The following NRG3 variants were observed in gnomAD, a reference collection of about 807,000 sequenced individuals.
NRG3 encodes the protein pro-neuregulin-3, membrane-bound isoform.
NRG3 carries 31 observed loss-of-function variants against 66.9 expected under a neutral mutation model. The observed-to-expected ratio is 0.46, with a 90% CI of 0.35 to 0.63. NRG3 has a LOEUF of 0.63. Among genes scored for constraint, NRG3 ranks in the 20% least tolerant of loss-of-function variants. The probability of loss-of-function intolerance (pLI) is 0.00; values close to 1 mark genes in which losing one functional copy is unlikely to be tolerated. For missense variants in NRG3, 910 were observed against 878.9 expected (o/e 1.04, Z -0.45); for synonymous variants, 393 against 359.4 (o/e 1.09, Z -1.06).
intron 1 of NRG3, among the ~76,000 whole-genome samples, chr10:82,007,909 T>G (rs1259109656): frequency 6.6e-6 from 1 of 152,026 alleles, no homozygotes; most frequent in Non-Finnish European, 1.5e-5. Flanking sequence ...ATTAAAAAAA[T>G]TAAATTGACT....
intron 2 of NRG3, among the ~76,000 whole-genome samples, chr10:82,376,185 A>C (rs1296418775): frequency 6.6e-6 from 1 of 152,118 alleles, no homozygotes; most frequent in African/African-American, 2.4e-5. Context: ...CTTATCTAGC[A>C]AGGCTTTACA....
intron 1 of NRG3, among the ~76,000 whole-genome samples, chr10:82,319,163 G>T (rs1283305907): frequency 6.6e-6 from 1 of 152,246 alleles, no homozygotes; most frequent in African/African-American, 2.4e-5. Flanking sequence ...GCATCTGAAA[G>T]AGAAGTACAG....
intron 2 of NRG3, among the ~76,000 whole-genome samples, chr10:82,367,860 T>C (rs1420972830): frequency 6.6e-6 from 1 of 151,988 alleles, no homozygotes; most frequent in Non-Finnish European, 1.5e-5. Flanking sequence ...CCAGGTGTGG[T>C]GATGCATGCC....
intron 1 of NRG3, among the ~76,000 whole-genome samples, chr10:82,034,642 C>CA (rs1247497537): frequency 1.3e-5 from 2 of 152,066 alleles, no homozygotes; most frequent in African/African-American, 4.8e-5. Flanking sequence ...ATTCATTCCC[C>CA]AGCCATTCCC....
intron 2 of NRG3, among the ~76,000 whole-genome samples, chr10:82,548,600 C>T (rs1590622464): frequency 6.6e-6 from 1 of 151,332 alleles, no homozygotes; most frequent in Non-Finnish European, 1.5e-5. Context: ...AAGAACTTGT[C>T]CAGTCGGGCA....
chr10:81,941,110 T>A (rs1226068846), intron 1 of NRG3, among the ~76,000 whole-genome samples: 1 of 152,166 alleles, frequency 6.6e-6, no homozygotes, highest in East Asian at 1.9e-4. Context: ...GCCAAATTAC[T>A]TCCACCCATG....
intron 3 of NRG3, among the ~76,000 whole-genome samples, chr10:82,783,454 A>C (rs1004491063): frequency 6.6e-6 from 1 of 151,638 alleles, no homozygotes; most frequent in Admixed American, 6.6e-5. Flanking sequence ...ATATCTAGAA[A>C]ACCCCATTGT....
chr10:82,597,262 G>A (rs1460281907), intron 2 of NRG3, among the ~76,000 whole-genome samples: 6 of 152,168 alleles, frequency 3.9e-5, no homozygotes, highest in Admixed American at 3.9e-4. Flanking sequence ...CAATATACAT[G>A]AGGTTAGCGT....
intron 1 of NRG3, among the ~76,000 whole-genome samples, chr10:82,106,825 C>T (rs538028818): frequency 6.6e-6 from 1 of 152,086 alleles, no homozygotes; most frequent in Non-Finnish European, 1.5e-5. Flanking sequence ...CATTTTTTAT[C>T]CAGGGATCTA....
intron 2 of NRG3, among the ~76,000 whole-genome samples, chr10:82,686,961 T>A (rs1471746176): frequency 6.6e-6 from 1 of 152,184 alleles, no homozygotes; most frequent in Non-Finnish European, 1.5e-5. Flanking sequence ...TGAAGCATAT[T>A]TTCAGATTTC....
At chr10:82,063,205 T>C (rs10736174) in intron 1 of NRG3, among the ~76,000 whole-genome samples, 120,022 of 152,100 alleles carry the variant, frequency 0.79, 47,480 homozygotes, top group South Asian at 0.86. Flanking sequence ...TTCATGGCTG[T>C]TTTCTCATTT....
At chr10:82,135,661 C>A (rs2069286262) in intron 1 of NRG3, among the ~76,000 whole-genome samples, 1 of 151,928 alleles carries the variant, frequency 6.6e-6, no homozygotes, top group South Asian at 2.1e-4. Context: ...AATTTTTCAG[C>A]CTTAGAATTT....
intron 2 of NRG3, among the ~76,000 whole-genome samples, chr10:82,580,212 T>A (rs1232559349): frequency 6.6e-6 from 1 of 151,992 alleles, no homozygotes; most frequent in Non-Finnish European, 1.5e-5. Context: ...GCCTACTGCA[T>A]CATGTTTACT....
intron 2 of NRG3, among the ~76,000 whole-genome samples, chr10:82,716,020 C>A (rs1271179882): frequency 6.6e-6 from 1 of 152,096 alleles, no homozygotes; most frequent in Non-Finnish European, 1.5e-5. Flanking sequence ...CCTCCAAATA[C>A]CATCACACTG....
At chr10:81,921,171 A>G (rs1231557073) in intron 1 of NRG3, among the ~76,000 whole-genome samples, 1 of 152,014 alleles carries the variant, frequency 6.6e-6, no homozygotes, top group Non-Finnish European at 1.5e-5. Flanking sequence ...TAAATAAACA[A>G]ATAAAAGCCT....
intron 1 of NRG3, among the ~76,000 whole-genome samples, chr10:82,005,722 A>G (rs745721006): frequency 6.6e-6 from 1 of 152,160 alleles, no homozygotes. Flanking sequence ...CTTACAATGA[A>G]TAAATGCTCT....
intron 3 of NRG3, among the ~76,000 whole-genome samples, chr10:82,761,362 T>C (rs996209876): frequency 3.9e-5 from 6 of 152,046 alleles, no homozygotes; most frequent in African/African-American, 1.4e-4. Flanking sequence ...TTTGTAGCCA[T>C]AGTGCAATAA....
At chr10:82,876,755 G>A (rs1021297949) in intron 4 of NRG3, among the ~76,000 whole-genome samples, 8 of 152,168 alleles carry the variant, frequency 5.3e-5, no homozygotes, top group African/African-American at 1.9e-4. Context: ...CAGGCATGGT[G>A]GCTCACGCCT....
intron 2 of NRG3, among the ~76,000 whole-genome samples, chr10:82,479,814 A>C (rs1457136135): frequency 6.6e-6 from 1 of 151,914 alleles, no homozygotes; most frequent in Non-Finnish European, 1.5e-5. Flanking sequence ...AAAAACACAA[A>C]AAAATTAGCG....
Sources: gnomAD v4.1 joint callset for allele counts (sites outside exome capture counted in the v4.1 genomes callset) on GRCh38, gnomAD v4.1.1 for gene constraint, MANE v1.5 for transcripts, NCBI Gene and HGNC (gene_info 2026-07-23, HGNC 2026-07-21) for gene names.